Variants in CNTNAP2 observed in about 807,000 individuals in gnomAD.
CNTNAP2 encodes the protein contactin associated protein 2, also known as contactin-associated protein-like 2.
A neutral mutation model predicts 155.2 loss-of-function variants in CNTNAP2; 98 were observed. The ratio of observed to expected loss-of-function variants is 0.63; its 90% CI spans 0.54 to 0.75. CNTNAP2 has a LOEUF of 0.75. Ranked by LOEUF, CNTNAP2 falls within the 30% of genes least tolerant of loss-of-function variation. The pLI, the probability that CNTNAP2 is intolerant of heterozygous loss-of-function variation, is 0.00. For synonymous variants in CNTNAP2, 651 were observed against 631.2 expected (o/e 1.03, Z -0.47); for missense variants, 1,727 against 1,688.1 (o/e 1.02, Z -0.40).
At chr7:147,732,268 A>G (rs556393539) in intron 13 of CNTNAP2, among the ~76,000 whole-genome samples, 2 of 140,386 alleles carry the variant, frequency 1.4e-5, no homozygotes, top group Non-Finnish European at 1.5e-5. Flanking sequence ...ATTCCCACCT[A>G]TAAATGAGAA....
At chr7:148,233,684 G>C (rs925833629) in intron 20 of CNTNAP2, among the ~76,000 whole-genome samples, 7 of 152,220 alleles carry the variant, frequency 4.6e-5, no homozygotes, top group African/African-American at 1.7e-4. Flanking sequence ...AACGTGCTAA[G>C]CACTTTAGAC....
At chr7:146,506,599 T>C (rs568074254) in intron 1 of CNTNAP2, among the ~76,000 whole-genome samples, 1 of 152,344 alleles carries the variant, frequency 6.6e-6, no homozygotes, top group South Asian at 2.1e-4. Flanking sequence ...CGATGGCCCA[T>C]TTCCCATAGG....
intron 1 of CNTNAP2, among the ~76,000 whole-genome samples, chr7:146,457,867 T>A (rs2129123867): frequency 6.6e-6 from 1 of 152,162 alleles, no homozygotes; most frequent in South Asian, 2.1e-4. Flanking sequence ...TCAAGGCACA[T>A]GAGAAAATAT....
intron 18 of CNTNAP2, among the ~76,000 whole-genome samples, chr7:148,196,896 G>T (rs1585181440): frequency 1.3e-5 from 2 of 152,254 alleles, no homozygotes; most frequent in East Asian, 3.9e-4. Context: ...CTTGCACCAG[G>T]GTCCAGGCTC....
chr7:148,131,989 C>G (rs1165295722), intron 16 of CNTNAP2, among the ~76,000 whole-genome samples: 3 of 152,120 alleles, frequency 2.0e-5, no homozygotes, highest in African/African-American at 7.2e-5. Context: ...AAAACAAGTG[C>G]TAGGTTTCTA....
At chr7:146,626,934 T>C (rs1291519867) in intron 1 of CNTNAP2, among the ~76,000 whole-genome samples, 1 of 152,150 alleles carries the variant, frequency 6.6e-6, no homozygotes, top group African/African-American at 2.4e-5. Flanking sequence ...TTGCTTCTTT[T>C]GTAATTCCAG....
intron 1 of CNTNAP2, among the ~76,000 whole-genome samples, chr7:146,604,927 G>T (rs1328902380): frequency 1.1e-4 from 12 of 109,200 alleles, no homozygotes; most frequent in African/African-American, 4.1e-4. Context: ...ACTGTTGTGG[G>T]GTGGGGGGAG....
At chr7:148,266,734 T>A (rs1233986136) in intron 20 of CNTNAP2, among the ~76,000 whole-genome samples, 1 of 152,142 alleles carries the variant, frequency 6.6e-6, no homozygotes, top group African/African-American at 2.4e-5. Context: ...CAGATGTTAC[T>A]CCATTAAAAA....
intron 18 of CNTNAP2, among the ~76,000 whole-genome samples, chr7:148,184,432 T>C (rs1008444676): frequency 6.6e-6 from 1 of 152,224 alleles, no homozygotes; most frequent in Non-Finnish European, 1.5e-5. Flanking sequence ...TTGCTTACTT[T>C]AGACTAGTAC....
intron 14 of CNTNAP2, among the ~76,000 whole-genome samples, chr7:147,913,673 G>A (rs542688605): frequency 1.7e-4 from 26 of 152,324 alleles, no homozygotes; most frequent in African/African-American, 6.0e-4. Flanking sequence ...GCAGCTAGGA[G>A]CCTGGCTATA....
intron 1 of CNTNAP2, among the ~76,000 whole-genome samples, chr7:146,380,943 C>T (rs1195070351): frequency 1.3e-5 from 2 of 150,262 alleles, no homozygotes; most frequent in East Asian, 2.0e-4. Context: ...GGACTACAGG[C>T]GCCCGCCACC....
intron 14 of CNTNAP2, among the ~76,000 whole-genome samples, chr7:147,971,983 G>A (rs1801341755): frequency 6.6e-6 from 1 of 152,286 alleles, no homozygotes; most frequent in East Asian, 1.9e-4. Flanking sequence ...AATGTGTGAT[G>A]ATTCCAGTTT....
At chr7:148,247,623 CTCTATTTATTTATTTATTTATT>C (rs1796291057) in intron 20 of CNTNAP2, among the ~76,000 whole-genome samples, 2 of 102,484 alleles carry the variant, frequency 2.0e-5, no homozygotes, top group East Asian at 7.4e-4. Context: ...CTCTCTCTCT[CTCTATTTATTTATTTATTTATT>C]TATTTATTTA....
intron 1 of CNTNAP2, among the ~76,000 whole-genome samples, chr7:146,685,546 T>G (rs1318492582): frequency 1.3e-5 from 2 of 152,186 alleles, no homozygotes; most frequent in African/African-American, 2.4e-5. Flanking sequence ...GTGACTATCT[T>G]GAGAAGAAGA....
chr7:146,590,229 A>G (rs1003285519), intron 1 of CNTNAP2, among the ~76,000 whole-genome samples: 1 of 152,172 alleles, frequency 6.6e-6, no homozygotes, highest in Non-Finnish European at 1.5e-5. Context: ...TTCCCACTTT[A>G]TGCAGGTTAC....
chr7:147,865,478 A>T (rs1462598722), intron 13 of CNTNAP2, among the ~76,000 whole-genome samples: 1 of 152,004 alleles, frequency 6.6e-6, no homozygotes, highest in Non-Finnish European at 1.5e-5. Context: ...TTTTCTATTG[A>T]TTGGAATAGT....
At chr7:147,211,562 A>T (rs1187535194) in intron 8 of CNTNAP2, among the ~76,000 whole-genome samples, 4 of 152,010 alleles carry the variant, frequency 2.6e-5, no homozygotes, top group Non-Finnish European at 4.4e-5. Flanking sequence ...TTAGGAATGG[A>T]GAAACAACTC....
intron 12 of CNTNAP2, among the ~76,000 whole-genome samples, chr7:147,615,423 G>A (rs563860414): frequency 6.9e-6 from 1 of 144,702 alleles, no homozygotes; most frequent in South Asian, 2.2e-4. Flanking sequence ...AACATAGTGA[G>A]AACCTGTCTC....
At chr7:148,031,878 T>C (rs1430673994) in intron 15 of CNTNAP2, among the ~76,000 whole-genome samples, 3 of 152,182 alleles carry the variant, frequency 2.0e-5, no homozygotes, top group Admixed American at 2.0e-4. Context: ...TTCTTCCTAA[T>C]ATCACAATAA....
Sources: allele counts gnomAD v4.1 joint callset (sites outside exome capture counted in the v4.1 genomes callset), GRCh38; gene constraint gnomAD v4.1.1; transcripts MANE v1.5; gene names NCBI Gene and HGNC (gene_info 2026-07-23, HGNC 2026-07-21).